Variants in SPAG16 observed in about 807,000 individuals in gnomAD.
SPAG16 encodes sperm associated antigen 16, also known as sperm-associated antigen 16 protein.
SPAG16 carries 86 observed loss-of-function variants against 80.4 expected under a neutral mutation model. That is an observed-to-expected ratio of 1.07 (90% CI 0.90 to 1.28). SPAG16 has a LOEUF of 1.28. SPAG16 is among the 50% of genes most tolerant of loss of function. The pLI is 0.00. For missense variants in SPAG16, 870 were observed against 765.3 expected, an observed-to-expected ratio of 1.14 and a Z score of -1.61; for synonymous variants, 294 against 265.9, an observed-to-expected ratio of 1.11 and a Z score of -1.03.
In SPAG16 at chr2:213,633,148, T is replaced by A. The variant is rs143886862; in HGVS notation, c.1070+143058T>A. ...TTTATTATGGCTTCAATCTTGTTAC[T>A]TGTTATTGGTCAGTTCAGGTTTTGG... On this transcript the variant is annotated intron_variant, in intron 10 of 15. Coordinates refer to ENST00000331683, the MANE Select transcript of SPAG16 (RefSeq NM_024532.5). 7.4e-3 allele frequency among the ~76,000 whole-genome samples: 1,120 copies of A among 152,274 alleles called. 13 individuals are homozygous for A. Among genetic ancestry groups the A allele is most frequent in the African/African-American group, 0.026 (1,062 of 41,580 alleles).
chr2:214,360,553 C>T (rs1055664337), intron 15 of SPAG16, among the ~76,000 whole-genome samples: 1 of 151,756 alleles, frequency 6.6e-6, no homozygotes, highest in Non-Finnish European at 1.5e-5. Context: ...AGATGCAAAT[C>T]CATTTATCCT....
intron 10 of SPAG16, among the ~76,000 whole-genome samples, chr2:213,804,124 G>A (rs766151910): frequency 2.0e-5 from 3 of 152,096 alleles, no homozygotes; most frequent in African/African-American, 4.8e-5. Flanking sequence ...AGTGGGCCAC[G>A]TACTAGGGGA....
At chr2:213,968,075 C>T (rs1047834910) in intron 12 of SPAG16, among the ~76,000 whole-genome samples, 2 of 149,148 alleles carry the variant, frequency 1.3e-5, no homozygotes, top group African/African-American at 4.9e-5. Context: ...AATTACTTTC[C>T]TTTCCTTTCT....
chr2:213,852,540 C>T (rs1246741397), intron 10 of SPAG16, among the ~76,000 whole-genome samples: 1 of 152,076 alleles, frequency 6.6e-6, no homozygotes, highest in African/African-American at 2.4e-5. Flanking sequence ...CCCTTGAGTG[C>T]ACCACCTCCT....
rs761270152 is a variant in SPAG16 at position 214,108,199 on chromosome 2, A to G, written c.1531A>G (p.Ile511Val). The change falls in exon 14 of 16, where the codon ATA (isoleucine) becomes GTA (valine). Residue 511 changes from isoleucine (I) to valine (V), a missense_variant. Ile to Val is a conservative substitution (Grantham distance 29). Transcript: ENST00000331683. ...TGTTTCTGCTTTGTCTTCCTAGGGTATATGTGAGCAGTCACTTTATGGTCA... is the reference window on the plus strand; with the variant it reads ...TGTTTCTGCTTTGTCTTCCTAGGGTGTATGTGAGCAGTCACTTTATGGTCA... ...TLSIWDARTG[I>V]CEQSLYGHMH... 3.2e-6 allele frequency: 5 copies of G among 1,585,530 alleles called. No homozygotes were observed. Among genetic ancestry groups the G allele is most frequent in the South Asian group, 1.1e-5 (1 of 88,170 alleles).
At chr2:214,180,317 A>T (rs1442784480) in intron 15 of SPAG16, among the ~76,000 whole-genome samples, 1 of 149,982 alleles carries the variant, frequency 6.7e-6, no homozygotes, top group Non-Finnish European at 1.5e-5. Flanking sequence ...CAGAGTGGAA[A>T]TTTTTTGTTC....
At position 213,398,587 on chromosome 2, in the gene SPAG16, C is replaced by T. The variant is rs2068159434; in HGVS notation, c.942+23468C>T. On this transcript the variant is annotated intron_variant, in intron 9 of 15. Transcript: ENST00000331683. Reference sequence around the variant, plus strand: ...TTTCCTTCAGATAATTCAGATGGCTCATCTCTCACTTTATTTAAAGCTTTA... The same window carrying T: ...TTTCCTTCAGATAATTCAGATGGCTTATCTCTCACTTTATTTAAAGCTTTA... Among the ~76,000 whole-genome samples, 5 of 152,172 alleles carry T rather than the reference C, an allele frequency of 3.3e-5. No individual in the cohort carries two copies. In the South Asian group the frequency reaches 1.0e-3, roughly 31 times the overall value.
At chr2:214,110,589 A>G (rs2053615096) in intron 14 of SPAG16, among the ~76,000 whole-genome samples, 1 of 152,200 alleles carries the variant, frequency 6.6e-6, no homozygotes, top group South Asian at 2.1e-4. Context: ...TAGTGCTGCA[A>G]TAAACATATG....
Position 213,490,037 on chromosome 2 carries a change from A to G in SPAG16, c.1017A>G (p.Lys339=), listed in dbSNP as rs750117660. ...NVSKESLSPA[K]FDYKLKNIFR... Reference sequence around the variant, plus strand: ...CTAAAGAAAGTCTTTCTCCAGCAAAATTTGACTACAAGCTGAAAAACATTT... The same window carrying G: ...CTAAAGAAAGTCTTTCTCCAGCAAAGTTTGACTACAAGCTGAAAAACATTT... Residue 339 remains lysine (K), a synonymous_variant, in exon 10 of 16, where the codon AAA becomes AAG. Transcript: ENST00000331683. 5 of 1,610,878 alleles carry G rather than the reference A, an allele frequency of 3.1e-6. No individual in the cohort carries two copies. The African/African-American group carries it at 6.7e-5, about 22-fold the overall frequency.
At chr2:214,085,221 A>C (rs1409521628) in intron 13 of SPAG16, among the ~76,000 whole-genome samples, 1 of 152,100 alleles carries the variant, frequency 6.6e-6, no homozygotes, top group Non-Finnish European at 1.5e-5. Flanking sequence ...AAAGACTTAT[A>C]ATTAGCCAGG....
chr2:214,169,936 G>T (rs924020261), intron 15 of SPAG16, among the ~76,000 whole-genome samples: 3 of 152,042 alleles, frequency 2.0e-5, no homozygotes, highest in Non-Finnish European at 2.9e-5. Flanking sequence ...TGCCCACTCA[G>T]TAGGACTTAG....
intron 12 of SPAG16, among the ~76,000 whole-genome samples, chr2:214,005,780 C>T (rs975202775): frequency 6.6e-6 from 1 of 152,112 alleles, no homozygotes. Flanking sequence ...GGGTGTCACT[C>T]GAGGACTTTG....
At chr2:213,307,569 T>A (rs1575143395) in intron 3 of SPAG16, among the ~76,000 whole-genome samples, 1 of 145,042 alleles carries the variant, frequency 6.9e-6, no homozygotes, top group South Asian at 2.3e-4. Context: ...TATTCCATGG[T>A]GTATATGTGC....
At chr2:213,428,771 G>T (rs2070103737) in intron 9 of SPAG16, among the ~76,000 whole-genome samples, 1 of 152,096 alleles carries the variant, frequency 6.6e-6, no homozygotes, top group African/African-American at 2.4e-5. Flanking sequence ...TATTGGGTTG[G>T]GGAGTGAACC....
intron 15 of SPAG16, among the ~76,000 whole-genome samples, chr2:214,361,870 G>C (rs1050820847): frequency 6.6e-6 from 1 of 151,852 alleles, no homozygotes; most frequent in African/African-American, 2.4e-5. Context: ...TTCACAAAGA[G>C]ATAATTGCGT....
intron 15 of SPAG16, among the ~76,000 whole-genome samples, chr2:214,231,091 C>T (rs1688666087): frequency 6.6e-6 from 1 of 151,840 alleles, no homozygotes; most frequent in Non-Finnish European, 1.5e-5. Flanking sequence ...GCTTGGTGTC[C>T]TATGTCGTTG....
intron 9 of SPAG16, among the ~76,000 whole-genome samples, chr2:213,489,511 A>G (rs1298978322): frequency 6.6e-6 from 1 of 152,154 alleles, no homozygotes; most frequent in African/African-American, 2.4e-5. Context: ...ATCATAATCA[A>G]TCAATTAGCA....
intron 15 of SPAG16, among the ~76,000 whole-genome samples, chr2:214,303,980 G>T (rs1001569677): frequency 6.6e-6 from 1 of 152,058 alleles, no homozygotes; most frequent in Non-Finnish European, 1.5e-5. Flanking sequence ...GTACCCATTA[G>T]GTATTTTTCC....
At chr2:213,616,434 G>A (rs756802920) in intron 10 of SPAG16, among the ~76,000 whole-genome samples, 6 of 152,158 alleles carry the variant, frequency 3.9e-5, no homozygotes, top group Non-Finnish European at 8.8e-5. Context: ...ACACAGAGGC[G>A]AGAAAACAAA....
Sources: gnomAD v4.1 joint callset for allele counts (sites outside exome capture counted in the v4.1 genomes callset) on GRCh38, gnomAD v4.1.1 for gene constraint, MANE v1.5 for transcripts, NCBI Gene and HGNC (gene_info 2026-07-23, HGNC 2026-07-21) for gene names.